The following LAPTM4B variants were observed in gnomAD, a reference collection of about 807,000 sequenced individuals.
LAPTM4B encodes lysosomal protein transmembrane 4 beta, also known as lysosomal-associated transmembrane protein 4B.
LAPTM4B carries 26 observed loss-of-function variants against 28.5 expected under a neutral mutation model. The observed-to-expected ratio is 0.91, with a 90% CI of 0.67 to 1.27. The LOEUF is 1.27. LAPTM4B is among the 50% of genes most tolerant of loss of function. The pLI, the probability that LAPTM4B is intolerant of heterozygous loss-of-function variation, is 0.00. For synonymous variants in LAPTM4B, 109 were observed against 106.4 expected, an observed-to-expected ratio of 1.02 and a Z score of -0.15; for missense variants, 288 against 285.8, an observed-to-expected ratio of 1.01 and a Z score of -0.06.
At chr8:97,816,719 T>A (rs969693537) in intron 4 of LAPTM4B, among the ~76,000 whole-genome samples, 1 of 152,202 alleles carries the variant, frequency 6.6e-6, no homozygotes, top group Non-Finnish European at 1.5e-5. Flanking sequence ...TTCTCAGTTA[T>A]CAACAAAGGA....
chr8:97,819,900 A>G (rs563351012), intron 5 of LAPTM4B, among the ~76,000 whole-genome samples: 2 of 151,972 alleles, frequency 1.3e-5, no homozygotes, highest in African/African-American at 2.4e-5. Flanking sequence ...ATGCCCAGCA[A>G]ATTTTTTTGT....
Position 97,839,506 on chromosome 8 carries a change from T to A in LAPTM4B, c.604-11891T>A, listed in dbSNP as rs144080802. ...CTGCGCCCGGCCACCAACAATAAAA[T>A]TTTAAATGTCCCGGTCTGCTGGAAA... On this transcript the variant is annotated intron_variant, in intron 6 of 6. Transcript: ENST00000521545. Among the ~76,000 whole-genome samples, 178 of 152,288 alleles carry A rather than the reference T, an allele frequency of 1.2e-3. 5 individuals are homozygous for A. In the East Asian group the frequency reaches 0.021, roughly 18 times the overall value.
At position 97,852,880 on chromosome 8, in the gene LAPTM4B, T is replaced by C. The variant is rs1817550761; in HGVS notation, c.*1406T>C. The stretch of plus-strand genomic sequence containing the variant: ...CAAGCTTTTGCTCAAGTAATTACTA[T>C]GAAATAACAATTTCTAGAAATGAAG... On this transcript the variant is annotated 3_prime_UTR_variant, in exon 7 of 7. Transcript: ENST00000521545. 2.6e-6 allele frequency: 1 copy of C among 390,990 alleles called. No homozygotes were observed. The highest frequency in any genetic ancestry group is 4.6e-6 in the Non-Finnish European group (1 of 218,474). The allele number at this position is 390,990 out of a possible 1,614,324, so 24.2% of individuals were successfully genotyped here.
chr8:97,844,607 A>C (rs1253694723), intron 6 of LAPTM4B, among the ~76,000 whole-genome samples: 2 of 152,118 alleles, frequency 1.3e-5, no homozygotes, highest in Admixed American at 6.5e-5. Flanking sequence ...TCTGTATGAA[A>C]ACATGTCAGC....
chr8:97,795,491 G>A (rs1816567061), intron 1 of LAPTM4B, among the ~76,000 whole-genome samples: 1 of 152,140 alleles, frequency 6.6e-6, no homozygotes, highest in African/African-American at 2.4e-5. Flanking sequence ...AAAGACCCCT[G>A]TATCTTATCA....
chr8:97,819,982 A>G (rs1291467557), intron 5 of LAPTM4B, among the ~76,000 whole-genome samples: 3 of 151,858 alleles, frequency 2.0e-5, no homozygotes, highest in Admixed American at 1.3e-4. Flanking sequence ...TGATCCGCCC[A>G]CCTCGGCCTC....
intron 1 of LAPTM4B, 22 bp from the exon 2 acceptor site, chr8:97,805,324 CTTTTTTT>C (rs386413439): frequency 9.5e-6 from 8 of 843,612 alleles, no homozygotes; most frequent in African/African-American, 8.5e-5. Flanking sequence ...TACTTAAATT[CTTTTTTT>C]TTTTTTTTTT....
At chr8:97,836,563 A>G (rs1817262368) in intron 6 of LAPTM4B, among the ~76,000 whole-genome samples, 1 of 152,060 alleles carries the variant, frequency 6.6e-6, no homozygotes, top group Non-Finnish European at 1.5e-5. Flanking sequence ...TGGTGATAAG[A>G]GCCAGTATTA....
rs1160881666 is a variant in LAPTM4B, at chr8:97,851,455, C to T, written c.662C>T (p.Pro221Leu). 6.2e-7 allele frequency: 1 copy of T among 1,614,108 alleles called. No homozygotes were observed. The highest frequency in any genetic ancestry group is 1.3e-5 in the African/African-American group (1 of 75,044). ...AATGGTGCTGCCAAGGAGCCACCGC[C>T]ACCTTACGTGTCTGCCTAAGCCTTC... ...TVNGAAKEPP[P>L]PYVSA Residue 221 changes from proline to leucine, a missense_variant, in exon 7 of 7, where the codon CCA (proline) becomes CTA (leucine). Transcript: ENST00000521545.
At chr8:97,779,270 CAGG>C (rs1455505337) in intron 1 of LAPTM4B, among the ~76,000 whole-genome samples, 1 of 152,080 alleles carries the variant, frequency 6.6e-6, no homozygotes, top group Non-Finnish European at 1.5e-5. Flanking sequence ...CATTGGAGGT[CAGG>C]AGTTCGAGAC....
At chr8:97,850,257 G>C (rs1329210885) in intron 6 of LAPTM4B, among the ~76,000 whole-genome samples, 2 of 151,908 alleles carry the variant, frequency 1.3e-5, no homozygotes, top group Non-Finnish European at 2.9e-5. Context: ...GCCAGTACAG[G>C]TGCCCTCTGC....
At chr8:97,807,887 TAA>T (rs58830867) in intron 2 of LAPTM4B, among the ~76,000 whole-genome samples, 50,941 of 139,098 alleles carry the variant, frequency 0.37, 10,813 homozygotes, top group Middle Eastern at 0.49. Context: ...AGAGATAACT[TAA>T]AAAAAAAAAA....
intron 1 of LAPTM4B, among the ~76,000 whole-genome samples, chr8:97,785,226 C>A (rs996284079): frequency 6.6e-6 from 1 of 152,062 alleles, no homozygotes; most frequent in Non-Finnish European, 1.5e-5. Context: ...CATGGGATTA[C>A]AGGCGCAGGC....
chr8:97,849,586 C>T (rs1817485528), intron 6 of LAPTM4B, among the ~76,000 whole-genome samples: 2 of 152,256 alleles, frequency 1.3e-5, no homozygotes, highest in Non-Finnish European at 2.9e-5. Context: ...AGATCACTAC[C>T]TCTTTCAGGA....
chr8:97,823,533 C>T (rs913385253), intron 5 of LAPTM4B, among the ~76,000 whole-genome samples: 1 of 151,574 alleles, frequency 6.6e-6, no homozygotes, highest in African/African-American at 2.4e-5. Flanking sequence ...CATCCCAATG[C>T]CCGGCTAATT....
chr8:97,840,589 C>T (rs1817329816), intron 6 of LAPTM4B, among the ~76,000 whole-genome samples: 1 of 151,952 alleles, frequency 6.6e-6, no homozygotes, highest in Non-Finnish European at 1.5e-5. Flanking sequence ...GTCAATAGCA[C>T]TATTATTTTA....
intron 1 of LAPTM4B, among the ~76,000 whole-genome samples, chr8:97,787,082 T>A (rs1409262340): frequency 6.6e-6 from 1 of 152,070 alleles, no homozygotes; most frequent in African/African-American, 2.4e-5. Context: ...GCCTCCTTTA[T>A]GTTTGTCTTC....
intron 2 of LAPTM4B, among the ~76,000 whole-genome samples, chr8:97,814,188 T>C (rs1816867485): frequency 6.6e-6 from 1 of 152,098 alleles, no homozygotes; most frequent in African/African-American, 2.4e-5. Context: ...ACAAGACTCC[T>C]TATTTACCAG....
At chr8:97,848,293 A>G (rs1364193849) in intron 6 of LAPTM4B, among the ~76,000 whole-genome samples, 1 of 152,194 alleles carries the variant, frequency 6.6e-6, no homozygotes, top group Non-Finnish European at 1.5e-5. Flanking sequence ...TAAAATGTTG[A>G]TTTAAAATGA....
Sources: allele counts gnomAD v4.1 joint callset (sites outside exome capture counted in the v4.1 genomes callset), GRCh38; gene constraint gnomAD v4.1.1; transcripts MANE v1.5; gene names NCBI Gene and HGNC (gene_info 2026-07-23, HGNC 2026-07-21).